Variants in CRYM observed in about 807,000 individuals in gnomAD.
The protein encoded by CRYM is ketimine reductase mu-crystallin.
CRYM carries 18 observed loss-of-function variants against 32.9 expected under a neutral mutation model. The observed-to-expected ratio is 0.55, with a 90% CI of 0.38 to 0.81. CRYM has a LOEUF of 0.81. Ranked by LOEUF, CRYM falls within the 30% of genes least tolerant of loss-of-function variation. CRYM has a pLI of 0.00. For missense variants in CRYM, 337 were observed against 393.5 expected, an observed-to-expected ratio of 0.86 and a Z score of 1.21; for synonymous variants, 153 against 152.4, an observed-to-expected ratio of 1.00 and a Z score of -0.03.
intron 1 of CRYM, among the ~76,000 whole-genome samples, chr16:21,286,758 T>C (rs2093407992): frequency 6.6e-6 from 1 of 152,188 alleles, no homozygotes; most frequent in Non-Finnish European, 1.5e-5. Flanking sequence ...ATAAGCCTAC[T>C]ATGTCTCTCT....
chr16:21,267,414 A>T (rs1181656517), intron 5 of CRYM, 140 bp downstream of exon 5: 2 of 905,142 alleles, frequency 2.2e-6, no homozygotes, highest in Non-Finnish European at 3.5e-6. Context: ...TGTTTTTTTC[A>T]ATCTCACATG....
At chr16:21,280,747 C>A (rs938375681), upstream of CRYM, among the ~76,000 whole-genome samples, 2 of 152,226 alleles carry the variant, frequency 1.3e-5, no homozygotes, top group African/African-American at 4.8e-5. Flanking sequence ...AGCAGCTAAA[C>A]AAGCACTGGC....
In CRYM at chr16:21,278,120, C is replaced by T. The variant is rs752021653; in HGVS notation, c.132G>A (p.Gln44=). The T allele has an allele frequency of 3.2e-6, 5 of 1,548,974 alleles. No individual in the cohort carries two copies. The highest frequency in any genetic ancestry group is 3.5e-6 in the Non-Finnish European group (4 of 1,147,098). The change falls in exon 1 of 8, where the codon CAG becomes CAA. Residue 44 remains glutamine, a synonymous_variant. Transcript: ENST00000572914. The part of the protein sequence containing the change: ...FSSGPEGGVM[Q]PVRTVVPVTK... ...TCACCGGCACCACGGTGCGCACGGG[C>T]TGCATGACCCCTCCTTCGGGACCGC...
At chr16:21,264,900 G>T (rs1307127214) in intron 5 of CRYM, among the ~76,000 whole-genome samples, 2 of 152,264 alleles carry the variant, frequency 1.3e-5, no homozygotes, top group Admixed American at 1.3e-4. Context: ...CCACACCATG[G>T]GAGCCTGGAA....
intron 5 of CRYM, 94 bp downstream of exon 5, chr16:21,267,460 T>A: frequency 7.6e-7 from 1 of 1,318,794 alleles, no homozygotes; most frequent in Non-Finnish European, 1.1e-6. Flanking sequence ...GCATTCTGCA[T>A]GAATAAACTG....
upstream of CRYM, among the ~76,000 whole-genome samples, chr16:21,282,216 C>T (rs866805646): frequency 2.0e-5 from 3 of 152,184 alleles, no homozygotes; most frequent in Admixed American, 1.3e-4. Flanking sequence ...CTTGTTCCTC[C>T]TTGCCTTCCA....
chr16:21,302,356 T>C (rs2152866511), intron 1 of CRYM, among the ~76,000 whole-genome samples: 1 of 152,320 alleles, frequency 6.6e-6, no homozygotes, highest in East Asian at 1.9e-4. Context: ...TGCGAGAACA[T>C]GTTAAGTGTT....
At chr16:21,286,240 CAG>C (rs1319305120) in intron 1 of CRYM, among the ~76,000 whole-genome samples, 1 of 147,196 alleles carries the variant, frequency 6.8e-6, no homozygotes, top group African/African-American at 2.5e-5. Context: ...TTTTTTGAGA[CAG>C]AGTCTCACTC....
In CRYM at chr16:21,278,242, C is replaced by A. The variant is rs766675674; in HGVS notation, c.10G>T (p.Val4Leu). The A allele has an allele frequency of 2.0e-5, 32 of 1,584,530 alleles. No individual in the cohort carries two copies. Among genetic ancestry groups the A allele is most frequent in the Non-Finnish European group, 2.3e-5 (27 of 1,169,008 alleles). The change falls in exon 1 of 8, where the codon GTA becomes TTA. Residue 4 changes from valine to leucine, a missense_variant. Coordinates refer to ENST00000572914, the MANE Select transcript of CRYM (RefSeq NM_001376256.1). MSRVPAFLSAAEVE... is the reference protein window; with the variant it reads MSRLPAFLSAAEVE... ...TCGGCCGCGCTCAGGAACGCTGGTA[C>A]CCGGCTCATCTCGCCACCTGTGCCT...
intron 1 of CRYM, among the ~76,000 whole-genome samples, chr16:21,302,500 G>T (rs1960975506): frequency 6.6e-6 from 1 of 152,206 alleles, no homozygotes; most frequent in Non-Finnish European, 1.5e-5. Flanking sequence ...CAAAGCTGTT[G>T]TCCTAGGGAA....
chr16:21,282,887 A>C (rs1341021713), upstream of CRYM, among the ~76,000 whole-genome samples: 1 of 152,142 alleles, frequency 6.6e-6, no homozygotes. Flanking sequence ...ATTAATAAGT[A>C]GCATATTAAA....
rs1312458793 is a variant in CRYM, at chr16:21,278,102, C to T, written c.150G>A (p.Val50=). Residue 50 remains valine (V), a synonymous_variant, in exon 1 of 8, where the codon GTG becomes GTA. Transcript: ENST00000572914. ...CTCACCCCCTGTGCTTGGTCACCGG[C>T]ACCACGGTGCGCACGGGCTGCATGA... ...GGVMQPVRTV[V]PVTKHRGYLG... is the part of the protein sequence containing the mutation. 1 of 1,546,704 alleles carries T rather than the reference C, an allele frequency of 6.5e-7. No homozygotes were observed. Among genetic ancestry groups the T allele is most frequent in the Non-Finnish European group, 8.7e-7 (1 of 1,146,946 alleles).
chr16:21,269,873 T>C lies in CRYM; in HGVS notation c.406A>G (p.Ser136Gly), dbSNP rs1428471292. ...GCCCCAAGGATGCACAGCACTTCAC[T>C]GCTGGGAGGTTTCAGAAACTATATG... ...IATKFLKPPS[S>G]EVLCILGAGV... The change falls in exon 4 of 8, where the codon AGT becomes GGT. Residue 136 changes from serine to glycine, a missense_variant. Physicochemically the swap from Ser to Gly is moderately conservative, Grantham distance 56. Coordinates refer to ENST00000572914, the MANE Select transcript of CRYM (RefSeq NM_001376256.1). 3 of 1,538,198 alleles carry C rather than the reference T, an allele frequency of 2.0e-6. No homozygotes were observed. Among genetic ancestry groups the C allele is most frequent in the African/African-American group, 2.8e-5 (2 of 71,818 alleles).
upstream of CRYM, among the ~76,000 whole-genome samples, chr16:21,280,427 C>T (rs1011027555): frequency 2.0e-5 from 3 of 152,082 alleles, no homozygotes; most frequent in African/African-American, 7.2e-5. Context: ...CTATGCCCCC[C>T]ACCTACTGAA....
At chr16:21,297,904 T>TTAGTTAAA (rs1449221718) in intron 1 of CRYM, among the ~76,000 whole-genome samples, 1 of 152,262 alleles carries the variant, frequency 6.6e-6, no homozygotes. Context: ...AAGCAAACTG[T>TTAGTTAAA]ATCACAGAGG....
intron 1 of CRYM, among the ~76,000 whole-genome samples, chr16:21,298,170 C>T (rs1744852812): frequency 6.6e-6 from 1 of 152,152 alleles, no homozygotes; most frequent in African/African-American, 2.4e-5. Context: ...GCAGTTTGTC[C>T]AGCCTTTCCT....
chr16:21,278,755 C>T (rs953811738), upstream of CRYM: 1 of 168,654 alleles, frequency 5.9e-6, no homozygotes, highest in Non-Finnish European at 1.3e-5. Context: ...ATTCTGTCCC[C>T]GTCTAGAGTC....
chr16:21,285,357 G>A (rs2093405661), intron 1 of CRYM, among the ~76,000 whole-genome samples: 2 of 152,186 alleles, frequency 1.3e-5, no homozygotes, highest in African/African-American at 4.8e-5. Context: ...GTATTTGCTT[G>A]GCTGTATCTG....
chr16:21,293,028 A>AAGAT (rs3029354), intron 1 of CRYM, among the ~76,000 whole-genome samples: 13,721 of 150,418 alleles, frequency 0.091, 663 homozygotes, highest in Middle Eastern at 0.13. Flanking sequence ...AAGTAGATAG[A>AAGAT]AGATAGATAG....
Sources: gnomAD v4.1 joint callset for allele counts (sites outside exome capture counted in the v4.1 genomes callset) on GRCh38, gnomAD v4.1.1 for gene constraint, MANE v1.5 for transcripts, NCBI Gene and HGNC (gene_info 2026-07-23, HGNC 2026-07-21) for gene names.